The following PHF2 variants were observed in gnomAD, a reference collection of about 807,000 sequenced individuals.
The protein encoded by PHF2 is PHD finger protein 2.
A neutral mutation model predicts 120.5 loss-of-function variants in PHF2; 27 were observed. The observed-to-expected ratio is 0.22, with a 90% CI of 0.17 to 0.31. The LOEUF (loss-of-function observed/expected upper bound fraction) is 0.31, where lower values mean the gene tolerates loss of function less well. Among genes scored for constraint, PHF2 ranks in the 10% least tolerant of loss-of-function variants. The probability of loss-of-function intolerance (pLI) is 1.00; values close to 1 mark genes in which losing one functional copy is unlikely to be tolerated. For missense variants in PHF2, 1,024 were observed against 1,434.8 expected (o/e 0.71, Z 4.63); for synonymous variants, 568 against 592.5 (o/e 0.96, Z 0.60).
At chr9:93,651,114 A>AAAT (rs1239988102) in intron 5 of PHF2, among the ~76,000 whole-genome samples, 2 of 151,780 alleles carry the variant, frequency 1.3e-5, no homozygotes, top group African/African-American at 2.4e-5. Context: ...AAAAAAAAAA[A>AAAT]AGGTAATGGG....
chr9:93,671,792 GC>G (rs1381376157), intron 17 of PHF2, among the ~76,000 whole-genome samples: 1 of 143,922 alleles, frequency 6.9e-6, no homozygotes, highest in Non-Finnish European at 1.5e-5. Context: ...AGGTGTAGAT[GC>G]AGGTGTGGGT....
chr9:93,613,044 G>C (rs1825663579), intron 1 of PHF2, among the ~76,000 whole-genome samples: 1 of 152,252 alleles, frequency 6.6e-6, no homozygotes, highest in Non-Finnish European at 1.5e-5. Flanking sequence ...TGGTCACAGA[G>C]CTTTAGCTGT....
chr9:93,636,042 T>G (rs1826084209), intron 2 of PHF2, among the ~76,000 whole-genome samples: 2 of 151,832 alleles, frequency 1.3e-5, no homozygotes, highest in East Asian at 3.9e-4. Context: ...GTGGAAGCCA[T>G]GGGATGGTGA....
intron 1 of PHF2, among the ~76,000 whole-genome samples, chr9:93,607,358 A>G (rs1587677112): frequency 6.9e-6 from 1 of 144,192 alleles, no homozygotes; most frequent in East Asian, 2.0e-4. Flanking sequence ...TGCAACCTCT[A>G]CCTCCTGGGT....
At chr9:93,620,548 C>T (rs1825808877) in intron 1 of PHF2, among the ~76,000 whole-genome samples, 1 of 152,206 alleles carries the variant, frequency 6.6e-6, no homozygotes, top group Non-Finnish European at 1.5e-5. Flanking sequence ...GCAGAGTGGA[C>T]ACAGGCCACA....
At chr9:93,629,815 T>G (rs960444409) in intron 1 of PHF2, among the ~76,000 whole-genome samples, 155 bp from the exon 2 acceptor site, 1 of 152,208 alleles carries the variant, frequency 6.6e-6, no homozygotes. Flanking sequence ...CCCTCCACCC[T>G]GCTTTCCTAG....
intron 1 of PHF2, among the ~76,000 whole-genome samples, chr9:93,608,996 T>C (rs1046293275): frequency 5.3e-5 from 8 of 151,670 alleles, no homozygotes; most frequent in African/African-American, 1.9e-4. Context: ...GTCTAATCTT[T>C]TTTATGCCTT....
intron 19 of PHF2, 137 bp downstream of exon 19, chr9:93,675,159 C>A: frequency 1.5e-6 from 1 of 688,148 alleles, no homozygotes; most frequent in Non-Finnish European, 2.5e-6. Context: ...GCAGCCCGTC[C>A]CGCTGGGGTT....
At chr9:93,617,919 G>A (rs1230886367) in intron 1 of PHF2, among the ~76,000 whole-genome samples, 4 of 152,194 alleles carry the variant, frequency 2.6e-5, no homozygotes, top group Non-Finnish European at 2.9e-5. Flanking sequence ...GGGTGGGTCT[G>A]CCTTTCCCAG....
At chr9:93,619,858 A>G (rs1240639577) in intron 1 of PHF2, among the ~76,000 whole-genome samples, 1 of 151,370 alleles carries the variant, frequency 6.6e-6, no homozygotes, top group African/African-American at 2.4e-5. Flanking sequence ...GTTTAATACT[A>G]AGGTCCTGGG....
chr9:93,579,254 T>C (rs1487912901), intron 1 of PHF2, among the ~76,000 whole-genome samples: 1 of 152,260 alleles, frequency 6.6e-6, no homozygotes, highest in Non-Finnish European at 1.5e-5. Flanking sequence ...TCGTACCGCC[T>C]GTACTGTGAT....
chr9:93,597,459 GA>G lies in PHF2; in HGVS notation c.98+20591del, dbSNP rs575435345. On this transcript the variant is annotated intron_variant, in intron 1 of 21. Coordinates refer to ENST00000359246, the MANE Select transcript of PHF2 (RefSeq NM_005392.4). The stretch of plus-strand genomic sequence containing the variant: ...TAGCCTCCCACCTGCTCTCTGTCAG[GA>G]AAGGAGAGCATGGTGGGCTGACCTG... Among the ~76,000 whole-genome samples the G allele has an allele frequency of 2.2e-4, 34 of 152,196 alleles. 1 individual carries two copies. In the South Asian group the frequency reaches 7.1e-3, roughly 32 times the overall value.
chr9:93,645,906 G>A (rs1386660620), intron 4 of PHF2, 117 bp downstream of exon 4: 1 of 1,153,804 alleles, frequency 8.7e-7, no homozygotes, highest in Non-Finnish European at 1.2e-6. Context: ...CGTGAGCAGT[G>A]GAGCCTCAAG....
Position 93,667,123 on chromosome 9 carries a change from A to G in PHF2, c.2231A>G (p.Asp744Gly), listed in dbSNP as rs1373883114. 1.2e-6 allele frequency: 2 copies of G among 1,613,194 alleles called. No homozygotes were observed. The highest frequency in any genetic ancestry group is 1.7e-4 in the Middle Eastern group (1 of 6,060). ...SDEGSLHIDTDTKPGRNARVK... is the reference protein window; with the variant it reads ...SDEGSLHIDTGTKPGRNARVK... ...GAGGGTTCGCTGCACATCGACACAGACACCAAGCCCGGCCGCAATGCCAGA... is the reference window on the plus strand; with the variant it reads ...GAGGGTTCGCTGCACATCGACACAGGCACCAAGCCCGGCCGCAATGCCAGA... Residue 744 changes from aspartate to glycine, a missense_variant, in exon 17 of 22, where the codon GAC becomes GGC. Asp to Gly is a moderately conservative substitution (Grantham distance 94). This residue lies in a region of PHF2 where 677 missense variants were observed against 857.4 expected (regional missense o/e 0.79). Coordinates refer to ENST00000359246, the MANE Select transcript of PHF2 (RefSeq NM_005392.4).
At chr9:93,581,723 G>C (rs1050084335) in intron 1 of PHF2, among the ~76,000 whole-genome samples, 6 of 152,152 alleles carry the variant, frequency 3.9e-5, no homozygotes. Flanking sequence ...GTTTGTTTGG[G>C]GCTGCTTGGG....
chr9:93,663,853 C>T (rs1826626084), intron 14 of PHF2, among the ~76,000 whole-genome samples: 1 of 152,182 alleles, frequency 6.6e-6, no homozygotes. Flanking sequence ...GCTGACACAC[C>T]TCTGGGGACT....
intron 1 of PHF2, among the ~76,000 whole-genome samples, chr9:93,601,209 G>T (rs1465566287): frequency 6.6e-6 from 1 of 152,208 alleles, no homozygotes; most frequent in Non-Finnish European, 1.5e-5. Flanking sequence ...CTGAAACCGT[G>T]CAGATTGGCC....
rs1587710274 is a variant in PHF2 at position 93,656,377 on chromosome 9, A to G, written c.1041-112A>G. The G allele has an allele frequency of 3.8e-6, 3 of 779,648 alleles. No homozygotes were observed. Among genetic ancestry groups the G allele is most frequent in the Non-Finnish European group, 6.6e-6 (3 of 456,462 alleles). 48.3% of individuals were successfully genotyped at this position (779,648 alleles called of 1,614,324 possible). On this transcript the variant is annotated intron_variant, in intron 8 of 21. Transcript: ENST00000359246. This position sits in a 1 kb window ranked among gnomAD's most constrained non-coding sequence, Gnocchi z 4.1. ...AGTTTTCCCCTGGTCCTCCTCAGCT[A>G]TGCAGGGCCCAGTGGGGAGGCCTGA...
At chr9:93,610,071 AT>A (rs34525240) in intron 1 of PHF2, among the ~76,000 whole-genome samples, 101,111 of 151,106 alleles carry the variant, frequency 0.67, 34,607 homozygotes, top group South Asian at 0.77. Context: ...CTAGGTGTAG[AT>A]TTTTTTTTGC....
Sources: allele counts gnomAD v4.1 joint callset (sites outside exome capture counted in the v4.1 genomes callset), GRCh38; gene constraint gnomAD v4.1.1; regional missense constraint gnomAD v4.1.1; non-coding constraint Gnocchi (gnomAD v3.1); transcripts MANE v1.5; gene names NCBI Gene and HGNC (gene_info 2026-07-23, HGNC 2026-07-21).